Variants in SLCO4C1 observed in about 807,000 individuals in gnomAD.
SLCO4C1 encodes solute carrier organic anion transporter family member 4C1, also known as organic anion transporter M1.
A neutral mutation model predicts 72.1 loss-of-function variants in SLCO4C1; 58 were observed. That is an observed-to-expected ratio of 0.80 (90% confidence interval 0.65 to 1.00). The LOEUF (loss-of-function observed/expected upper bound fraction) is 1.00. Among genes scored for constraint, SLCO4C1 ranks in the 50% least tolerant of loss-of-function variants. The pLI, the probability that SLCO4C1 is intolerant of heterozygous loss-of-function variation, is 0.00. For missense variants in SLCO4C1, 898 were observed against 857.9 expected (o/e 1.05, Z -0.58); for synonymous variants, 297 against 312.5 (o/e 0.95, Z 0.52).
chr5:102,278,612 T>A (rs957689627), intron 2 of SLCO4C1, among the ~76,000 whole-genome samples: 2 of 152,152 alleles, frequency 1.3e-5, no homozygotes, highest in Admixed American at 1.3e-4. Context: ...AATAAATTTT[T>A]AAAAATTCAA....
chr5:102,274,249 C>T (rs17331192), intron 2 of SLCO4C1, among the ~76,000 whole-genome samples: 2,421 of 152,082 alleles, frequency 0.016, 30 homozygotes, highest in South Asian at 0.042. Context: ...TGTGATTTGA[C>T]GATACACCAC....
At chr5:102,247,480 T>C in intron 9 of SLCO4C1, 38 bp from the exon 10 acceptor site, 1 of 1,334,546 alleles carries the variant, frequency 7.5e-7, no homozygotes, top group African/African-American at 1.5e-5. Flanking sequence ...AAAGTGATCA[T>C]TTAGAAAATA....
At chr5:102,270,865 T>C in intron 2 of SLCO4C1, 59 bp from the exon 3 acceptor site, 1 of 1,319,514 alleles carries the variant, frequency 7.6e-7, no homozygotes, top group East Asian at 2.5e-5. Context: ...TAAATTTCTA[T>C]CATATAAATT....
At chr5:102,243,488 G>A (rs1748583718) in intron 10 of SLCO4C1, among the ~76,000 whole-genome samples, 1 of 152,170 alleles carries the variant, frequency 6.6e-6, no homozygotes, top group South Asian at 2.1e-4. Flanking sequence ...AGCTTTAGGT[G>A]GCTCAGAACA....
At chr5:102,282,582 A>G (rs9327815) in intron 2 of SLCO4C1, among the ~76,000 whole-genome samples, 41,589 of 151,782 alleles carry the variant, frequency 0.27, 6,021 homozygotes, top group Middle Eastern at 0.31. Flanking sequence ...AGATTCTGCA[A>G]CTCCATCTTT....
chr5:102,290,243 G>A (rs1749527396), intron 2 of SLCO4C1, among the ~76,000 whole-genome samples: 1 of 152,186 alleles, frequency 6.6e-6, no homozygotes. Context: ...TGTTTGTAGA[G>A]TCTCACTATA....
At position 102,247,439 on chromosome 5, in the gene SLCO4C1, A is replaced by G; in HGVS notation, c.1624T>C (p.Tyr542His). Residue 542 changes from tyrosine (Y) to histidine (H), a missense_variant, in exon 10 of 13, where the codon TAT becomes CAT. Transcript: ENST00000310954. Reference protein sequence around the residue: ...NPVAHRKPKVYYNCSCIERKT... With the variant: ...NPVAHRKPKVHYNCSCIERKT... The stretch of plus-strand genomic sequence containing the variant: ...CTTTCAATACAGGAACAGTTGTAAT[A>G]TACCTAAAAATATTAGACATAAAAA... 6.6e-7 allele frequency: 1 copy of G among 1,509,324 alleles called. No homozygotes were observed. The highest frequency in any genetic ancestry group is 9.0e-7 in the Non-Finnish European group (1 of 1,113,970). 93.5% of individuals were successfully genotyped at this position (1,509,324 alleles called of 1,614,324 possible). A position where few individuals can be genotyped will look rare whatever the true frequency, so the allele number is the denominator to read the frequency against.
At position 102,291,325 on chromosome 5, in the gene SLCO4C1, A is replaced by G. The variant is rs74701254; in HGVS notation, c.619+18T>C. The G allele has an allele frequency of 3.8e-3, 6,157 of 1,604,138 alleles. 210 individuals are homozygous for G. In the African/African-American group the frequency reaches 0.074, roughly 19 times the overall value. On this transcript the variant is annotated intron_variant, in intron 2 of 12. Transcript: ENST00000310954. ...ACTTCTTCAGATTAAAACAAACATA[A>G]ACACAATAGAAACTTACCTTCAAAA...
At chr5:102,254,550 A>G (rs535140749) in intron 8 of SLCO4C1, among the ~76,000 whole-genome samples, 6 of 152,230 alleles carry the variant, frequency 3.9e-5, no homozygotes, top group African/African-American at 1.4e-4. Flanking sequence ...TTATTGTCTT[A>G]TTTTAAGAAG....
intron 6 of SLCO4C1, among the ~76,000 whole-genome samples, chr5:102,259,221 A>G (rs1363185223): frequency 6.6e-6 from 1 of 152,162 alleles, no homozygotes; most frequent in African/African-American, 2.4e-5. Flanking sequence ...AAGGAAAACC[A>G]ACAAGAAAAT....
In SLCO4C1 at chr5:102,295,940, A is replaced by T. The variant is rs750198822; in HGVS notation, c.323T>A (p.Leu108Gln). The T allele has an allele frequency of 1.1e-4, 182 of 1,614,068 alleles. No homozygotes were observed. Among genetic ancestry groups the T allele is most frequent in the Non-Finnish European group, 1.5e-4 (174 of 1,179,982 alleles). Residue 108 changes from leucine to glutamine, a missense_variant, in exon 1 of 13, where the codon CTG becomes CAG. Physicochemically the swap from Leu to Gln is moderately radical, Grantham distance 113. Transcript: ENST00000310954. ...LQRCNTPGGF[L>Q]LHYCLLAVTQ... is the part of the protein sequence containing the mutation. ...GACGGCCAAGAGGCAGTAGTGAAGC[A>T]GAAAGCCTCCAGGTGTGTTGCAGCG...
rs538398714 is a variant in SLCO4C1 at position 102,266,944 on chromosome 5, T to A, written c.803-3164A>T. The stretch of plus-strand genomic sequence containing the variant: ...TGTATCATATTTATTGATTTCCATA[T>A]GGCAAACTAATTCTTGCATCACTGA... On this transcript the variant is annotated intron_variant, in intron 3 of 12. Coordinates refer to ENST00000310954, the MANE Select transcript of SLCO4C1 (RefSeq NM_180991.5). Among the ~76,000 whole-genome samples the A allele has an allele frequency of 3.1e-3, 468 of 152,352 alleles. 4 individuals carry two copies. Among genetic ancestry groups the A allele is most frequent in the South Asian group, 6.4e-3 (31 of 4,832 alleles).
Position 102,234,077 on chromosome 5 carries a change from A to G in SLCO4C1, c.*2781T>C, listed in dbSNP as rs1748392024. 6.6e-6 allele frequency: 1 copy of G among 152,208 alleles called. No individual in the cohort carries two copies. Among genetic ancestry groups the G allele is most frequent in the South Asian group, 2.1e-4 (1 of 4,834 alleles). 9.4% of individuals were successfully genotyped at this position (152,208 alleles called of 1,614,324 possible). ...AAATTTTGAAAGAAAATGGATCTAA[A>G]ACTTTGTTTCCCTCCAATTTACATA... On this transcript the variant is annotated 3_prime_UTR_variant, in exon 13 of 13. Coordinates refer to ENST00000310954, the MANE Select transcript of SLCO4C1 (RefSeq NM_180991.5).
chr5:102,257,328 T>G lies in SLCO4C1; in HGVS notation c.1274-18A>C, dbSNP rs779471618. On this transcript the variant is annotated intron_variant, in intron 7 of 12. Transcript: ENST00000310954. ...AACAGCCCCTAATAAGAAAAAAGAA[T>G]GTAGATTGTGAGAAACCATACACAT... 1.3e-6 allele frequency: 2 copies of G among 1,562,904 alleles called. No individual in the cohort carries two copies. The highest frequency in any genetic ancestry group is 1.7e-6 in the Non-Finnish European group (2 of 1,160,148).
chr5:102,279,023 T>C (rs975429260), intron 2 of SLCO4C1, among the ~76,000 whole-genome samples: 1 of 151,306 alleles, frequency 6.6e-6, no homozygotes, highest in African/African-American at 2.4e-5. Context: ...TAGAAAACTA[T>C]AGAGAAAAAT....
intron 8 of SLCO4C1, among the ~76,000 whole-genome samples, chr5:102,254,093 T>C (rs909550631): frequency 6.6e-6 from 1 of 152,144 alleles, no homozygotes; most frequent in Non-Finnish European, 1.5e-5. Flanking sequence ...GTGCTTACCA[T>C]GGCAAAAGTC....
At chr5:102,273,466 T>C (rs1749190119) in intron 2 of SLCO4C1, among the ~76,000 whole-genome samples, 1 of 152,124 alleles carries the variant, frequency 6.6e-6, no homozygotes, top group African/African-American at 2.4e-5. Flanking sequence ...AAGTCACTTA[T>C]GCAGAAGGAA....
At chr5:102,269,363 CAT>C (rs1204411719) in intron 3 of SLCO4C1, among the ~76,000 whole-genome samples, 3 of 143,278 alleles carry the variant, frequency 2.1e-5, no homozygotes, top group Non-Finnish European at 4.6e-5. Flanking sequence ...TTTTTTTTTT[CAT>C]TTTGTTTGCT....
At chr5:102,280,517 AGT>A (rs2112389504) in intron 2 of SLCO4C1, among the ~76,000 whole-genome samples, 1 of 152,258 alleles carries the variant, frequency 6.6e-6, no homozygotes, top group South Asian at 2.1e-4. Context: ...GACCCAACAT[AGT>A]AACTATATCA....
Sources: allele counts gnomAD v4.1 joint callset (sites outside exome capture counted in the v4.1 genomes callset), GRCh38; gene constraint gnomAD v4.1.1; transcripts MANE v1.5; gene names NCBI Gene and HGNC (gene_info 2026-07-23, HGNC 2026-07-21).